TTF2: variants seen among roughly 807,000 people sequenced by gnomAD.
The protein encoded by TTF2 is RNA polymerase II termination factor.
A neutral mutation model predicts 142.4 loss-of-function variants in TTF2; 108 were observed. The observed-to-expected ratio is 0.76, with a 90% CI of 0.65 to 0.89. The LOEUF (loss-of-function observed/expected upper bound fraction) is 0.89. Ranked by LOEUF, TTF2 falls within the 40% of genes least tolerant of loss-of-function variation. The pLI is 0.00. For missense variants in TTF2, 1,327 were observed against 1,379.8 expected (o/e 0.96, Z 0.61); for synonymous variants, 483 against 506.2 (o/e 0.95, Z 0.61).
rs1188204313 is a variant in TTF2 at position 117,087,375 on chromosome 1, T to C, written c.2160+853T>C. Among the ~76,000 whole-genome samples the C allele has an allele frequency of 6.6e-6, 1 of 152,148 alleles. No individual in the cohort carries two copies. Among genetic ancestry groups the C allele is most frequent in the Non-Finnish European group, 1.5e-5 (1 of 68,028 alleles). On this transcript the variant is annotated intron_variant, in intron 12 of 22. Transcript: ENST00000369466. This position sits in a 1 kb window ranked among gnomAD's most constrained non-coding sequence, Gnocchi z 4.8. ...GGTGCGATCTTGGCTCACTGCAACC[T>C]CTGCATCCCGGGTTCAAGCGATTCT... is the stretch of plus-strand genomic sequence containing the variant.
chr1:117,092,778 G>A lies in TTF2; in HGVS notation c.2853G>A (p.Leu951=), dbSNP rs61737102. ...AGGGTGAAGGTCTTGTCCTTTCCCT[G>A]GAAGAACAGCTCAGTGCTTTGACCT... ...ELKGEGLVLS[L]EEQLSALTLS... The change falls in exon 18 of 23, where the codon CTG becomes CTA. Residue 951 remains leucine (L), a synonymous_variant. Coordinates refer to ENST00000369466, the MANE Select transcript of TTF2 (RefSeq NM_003594.4). This position sits in a 1 kb window ranked among gnomAD's most constrained non-coding sequence, Gnocchi z 4.4. The A allele has an allele frequency of 1.5e-3, 2,387 of 1,614,128 alleles. 40 individuals are homozygous for A. In the African/African-American group the frequency reaches 0.028, roughly 19 times the overall value.
intron 18 of TTF2, among the ~76,000 whole-genome samples, chr1:117,094,260 A>G (rs1279229224): frequency 3.9e-5 from 6 of 152,172 alleles, no homozygotes; most frequent in Non-Finnish European, 8.8e-5. Flanking sequence ...CTGATGAGGA[A>G]TCTGAGTCCC....
chr1:117,073,587 G>T lies in TTF2; in HGVS notation c.219-74G>T. 2.8e-6 allele frequency: 4 copies of T among 1,419,718 alleles called. No individual in the cohort carries two copies. The highest frequency in any genetic ancestry group is 2.9e-6 in the Non-Finnish European group (3 of 1,042,414). 87.9% of individuals were successfully genotyped at this position (1,419,718 alleles called of 1,614,324 possible). On this transcript the variant is annotated intron_variant, in intron 3 of 22. Transcript: ENST00000369466. The surrounding 1 kb of genome is among the most constrained non-coding windows in gnomAD (Gnocchi z 4.4). ...CAAATAGTTGCAAGATGTTTTCTTG[G>T]ATTAAAAATAAGCTTATCTCTTGTT...
At position 117,102,432 on chromosome 1, in the gene TTF2, TATC is replaced by T. The variant is rs1557836706; in HGVS notation, c.*911_*913del. 1 of 152,206 alleles carries T rather than the reference TATC, an allele frequency of 6.6e-6. No individual in the cohort carries two copies. Among genetic ancestry groups the T allele is most frequent in the Non-Finnish European group, 1.5e-5 (1 of 68,050 alleles). The allele number at this position is 152,206 out of a possible 1,614,324, so 9.4% of individuals were successfully genotyped here. On this transcript the variant is annotated 3_prime_UTR_variant, in exon 23 of 23. Transcript: ENST00000369466. ...ACATGAACAGATGCTGAGTATCTGT[TATC>T]ATTGTATTGTTTAGTGTCAGTGTAT...
rs756152540 is a variant in TTF2, at chr1:117,075,417, G to A, written c.833G>A (p.Gly278Glu). ...SHNSISKPQK[G>E]GPLNKEYTNW... ...AACTCAATAAGCAAGCCCCAGAAAG[G>A]GGGACCCCTCAACAAGGAGTACACG... The change falls in exon 5 of 23, where the codon GGG (glycine) becomes GAG (glutamate). Residue 278 changes from glycine (G) to glutamate (E), a missense_variant. By Grantham distance (98) the Gly-to-Glu change is moderately conservative (BLOSUM62 -2). Transcript: ENST00000369466. This position sits in a 1 kb window ranked among gnomAD's most constrained non-coding sequence, Gnocchi z 4.5. 2 of 1,614,126 alleles carry A rather than the reference G, an allele frequency of 1.2e-6. No individual in the cohort carries two copies. The highest frequency in any genetic ancestry group is 2.2e-5 in the East Asian group (1 of 44,882).
Position 117,096,194 on chromosome 1 carries a change from G to A in TTF2, c.3081G>A (p.Leu1027=). Residue 1027 remains leucine (L), a synonymous_variant, in exon 20 of 23, where the codon TTG becomes TTA. Coordinates refer to ENST00000369466, the MANE Select transcript of TTF2 (RefSeq NM_003594.4). The part of the protein sequence containing the change: ...QWTNMLKVVA[L]HLKKHGLTYA... ...CCAACATGCTGAAAGTTGTAGCATT[G>A]CACCTGAAGAAGCATGGACTGACTT... The A allele has an allele frequency of 6.2e-7, 1 of 1,614,004 alleles. No homozygotes were observed. The highest frequency in any genetic ancestry group is 1.1e-5 in the South Asian group (1 of 91,056).
chr1:117,060,447 C>G lies in TTF2; in HGVS notation c.29-8C>G. 1 of 1,612,726 alleles carries G rather than the reference C, an allele frequency of 6.2e-7. No homozygotes were observed. The highest frequency in any genetic ancestry group is 1.1e-5 in the South Asian group (1 of 90,906). On this transcript the variant is annotated splice_region_variant and splice_polypyrimidine_tract_variant and intron_variant, in intron 1 of 22. Transcript: ENST00000369466. Reference sequence around the variant, plus strand: ...GCGTAATCGTTGTTCACTTTCTTCTCTCTTCAGGGACTTTCTGCTTTCTTA... The same window carrying G: ...GCGTAATCGTTGTTCACTTTCTTCTGTCTTCAGGGACTTTCTGCTTTCTTA...
At position 117,099,239 on chromosome 1, in the gene TTF2, G is replaced by A. The variant is rs1358779507; in HGVS notation, c.3344+332G>A. On this transcript the variant is annotated intron_variant, in intron 22 of 22. Transcript: ENST00000369466. This position sits in a 1 kb window ranked among gnomAD's most constrained non-coding sequence, Gnocchi z 4.3. Reference sequence around the variant, plus strand: ...AAACGTACAAGAATAGTACCAAAAAGTTCCCATATATTATGGTGTGCATGT... The same window carrying A: ...AAACGTACAAGAATAGTACCAAAAAATTCCCATATATTATGGTGTGCATGT... Among the ~76,000 whole-genome samples, 1 of 152,096 alleles carries A rather than the reference G, an allele frequency of 6.6e-6. No homozygotes were observed. The highest frequency in any genetic ancestry group is 1.5e-5 in the Non-Finnish European group (1 of 68,014).
chr1:117,098,149 T>C (rs1649317527), intron 21 of TTF2: 1 of 151,646 alleles, frequency 6.6e-6, no homozygotes, highest in Admixed American at 6.6e-5. Context: ...TTGGGACTCC[T>C]CTGTACACGT....
Position 117,076,335 on chromosome 1 carries a change from C to A in TTF2, c.1390+41C>A. The A allele has an allele frequency of 6.6e-7, 1 of 1,509,650 alleles. No homozygotes were observed. Among genetic ancestry groups the A allele is most frequent in the Non-Finnish European group, 9.1e-7 (1 of 1,095,542 alleles). The allele number at this position is 1,509,650 out of a possible 1,614,324, so 93.5% of individuals were successfully genotyped here. A position where few individuals can be genotyped will look rare whatever the true frequency, so the allele number is the denominator to read the frequency against. ...CCTCAGAACTCCGGGTTTGCATCGA[C>A]TTTACAAGAGACATTCGGGAAGCCC... On this transcript the variant is annotated intron_variant, in intron 6 of 22. Transcript: ENST00000369466. This position sits in a 1 kb window ranked among gnomAD's most constrained non-coding sequence, Gnocchi z 4.6.
At chr1:117,069,166 T>C (rs954747642) in intron 3 of TTF2, among the ~76,000 whole-genome samples, 6 of 152,222 alleles carry the variant, frequency 3.9e-5, no homozygotes, top group Non-Finnish European at 7.3e-5. Flanking sequence ...GAGGTAGACA[T>C]TCGGCTTTAT....
In TTF2 at chr1:117,096,164, GTGGACCA is replaced by G; in HGVS notation, c.3052_3058del (p.Trp1018ThrfsTer3). On this transcript the variant is annotated frameshift_variant, in exon 20 of 23. Transcript: ENST00000369466. LOFTEE classifies it high-confidence loss of function. Reference sequence around the variant, plus strand: ...TTCTTTCCAGTGTCATTGTCTCTCAGTGGACCAACATGCTGAAAGTTGTAGCATTGCA... The same window carrying G: ...TTCTTTCCAGTGTCATTGTCTCTCAGACATGCTGAAAGTTGTAGCATTGCA... The G allele has an allele frequency of 1.9e-6, 3 of 1,613,960 alleles. No homozygotes were observed. Among genetic ancestry groups the G allele is most frequent in the Non-Finnish European group, 1.7e-6 (2 of 1,179,966 alleles).
rs1172179976 is a variant in TTF2, at chr1:117,090,403, G to A, written c.2497-129G>A. 3.5e-6 allele frequency: 4 copies of A among 1,138,576 alleles called. No homozygotes were observed. The highest frequency in any genetic ancestry group is 2.5e-6 in the Non-Finnish European group (2 of 792,164). The allele number at this position is 1,138,576 out of a possible 1,614,324, so 70.5% of individuals were successfully genotyped here. A position where few individuals can be genotyped will look rare whatever the true frequency, so the allele number is the denominator to read the frequency against. Reference sequence around the variant, plus strand: ...TTGTACTGTATGTTGGAGCAGTCCTGTGTCTAAGAAAGGGTGGAAGCTGCA... The same window carrying A: ...TTGTACTGTATGTTGGAGCAGTCCTATGTCTAAGAAAGGGTGGAAGCTGCA... On this transcript the variant is annotated intron_variant, in intron 14 of 22. Transcript: ENST00000369466. The surrounding 1 kb of genome is among the most constrained non-coding windows in gnomAD (Gnocchi z 4.8).
In TTF2 at chr1:117,090,585, T is replaced by G. The variant is rs753946430; in HGVS notation, c.2550T>G (p.Asp850Glu). The G allele has an allele frequency of 1.9e-6, 3 of 1,614,174 alleles. No individual in the cohort carries two copies. In the South Asian group the frequency reaches 3.3e-5, roughly 18 times the overall value. Reference sequence around the variant, plus strand: ...TGCACCATTTAAAGCTTTCTGAAGATGAAGAGACTGTTTACAATGTGTTTT... The same window carrying G: ...TGCACCATTTAAAGCTTTCTGAAGAGGAAGAGACTGTTTACAATGTGTTTT... Reference protein sequence around the residue: ...FQLHHLKLSEDEETVYNVFFA... With the variant: ...FQLHHLKLSEEEETVYNVFFA... The change falls in exon 15 of 23, where the codon GAT becomes GAG. Residue 850 changes from aspartate to glutamate, a missense_variant. Transcript: ENST00000369466. This position sits in a 1 kb window ranked among gnomAD's most constrained non-coding sequence, Gnocchi z 4.8.
At position 117,075,113 on chromosome 1, in the gene TTF2, G is replaced by C. The variant is rs1656883983; in HGVS notation, c.529G>C (p.Asp177His). 8 of 1,614,146 alleles carry C rather than the reference G, an allele frequency of 5.0e-6. No individual in the cohort carries two copies. The highest frequency in any genetic ancestry group is 6.8e-6 in the Non-Finnish European group (8 of 1,180,004). Residue 177 changes from aspartate (D) to histidine (H), a missense_variant, in exon 5 of 23, where the codon GAC becomes CAC. Transcript: ENST00000369466. This position sits in a 1 kb window ranked among gnomAD's most constrained non-coding sequence, Gnocchi z 4.5. ...KEQKPEMMEK[D>H]LSSGLVPKKK... is the part of the protein sequence containing the mutation. Reference sequence around the variant, plus strand: ...ACAGAAGCCTGAAATGATGGAGAAAGACCTCTCATCTGGCCTGGTACCAAA... The same window carrying C: ...ACAGAAGCCTGAAATGATGGAGAAACACCTCTCATCTGGCCTGGTACCAAA...
At chr1:117,083,369 G>T (rs886168926) in intron 10 of TTF2, among the ~76,000 whole-genome samples, 1 of 152,062 alleles carries the variant, frequency 6.6e-6, no homozygotes, top group South Asian at 2.1e-4. Flanking sequence ...GCACACACAC[G>T]CAGAGATGAG....
rs979370978 is a variant in TTF2 at position 117,093,868 on chromosome 1, G to A, written c.2976+967G>A. 2.6e-5 allele frequency among the ~76,000 whole-genome samples: 4 copies of A among 152,268 alleles called. No individual in the cohort carries two copies. The highest frequency in any genetic ancestry group is 9.6e-5 in the African/African-American group (4 of 41,560). On this transcript the variant is annotated intron_variant, in intron 18 of 22. Transcript: ENST00000369466. The surrounding 1 kb of genome is among the most constrained non-coding windows in gnomAD (Gnocchi z 4.5). Reference sequence around the variant, plus strand: ...CCATTAATAGTTCAAACCACATACGGTTGTTTCAAGTAGGGAAGGAGGCTT... The same window carrying A: ...CCATTAATAGTTCAAACCACATACGATTGTTTCAAGTAGGGAAGGAGGCTT...
Position 117,091,410 on chromosome 1 carries a change from G to T in TTF2, c.2671G>T (p.Val891Leu). The change falls in exon 16 of 23, where the codon GTG (valine) becomes TTG (leucine). Residue 891 changes from valine (V) to leucine (L), a missense_variant and splice_region_variant. By Grantham distance (32) the Val-to-Leu change is conservative (BLOSUM62 1). Transcript: ENST00000369466. ...AAGCCCTAATAATCCATTCAGTAGA[G>T]GTAAGCTGTAGGACTCTCATAAATA... ...GRSPNNPFSR[V>L]ALEFGSEEPR... The T allele has an allele frequency of 1.2e-6, 2 of 1,610,694 alleles. No homozygotes were observed. The highest frequency in any genetic ancestry group is 2.2e-5 in the South Asian group (2 of 90,286).
chr1:117,064,487 C>G (rs1655928484), intron 3 of TTF2, among the ~76,000 whole-genome samples: 1 of 148,770 alleles, frequency 6.7e-6, no homozygotes, highest in Non-Finnish European at 1.5e-5. Context: ...CAAGAATTGT[C>G]TAGAAGCTTT....
Sources: allele counts gnomAD v4.1 joint callset (sites outside exome capture counted in the v4.1 genomes callset), GRCh38; gene constraint gnomAD v4.1.1; non-coding constraint Gnocchi (gnomAD v3.1); transcripts MANE v1.5; gene names NCBI Gene and HGNC (gene_info 2026-07-23, HGNC 2026-07-21).